Variants in BRIX1 observed in about 807,000 individuals in gnomAD.
BRIX1 encodes ribosome biogenesis protein BRX1 homolog.
BRIX1 carries 15 observed loss-of-function variants against 44.0 expected under a neutral mutation model. That is an observed-to-expected ratio of 0.34 (90% CI 0.23 to 0.53). The LOEUF (loss-of-function observed/expected upper bound fraction) is 0.53. Among genes scored for constraint, BRIX1 ranks in the 20% least tolerant of loss-of-function variants. BRIX1 has a pLI of 0.95. For synonymous variants in BRIX1, 149 were observed against 135.4 expected (o/e 1.10, Z -0.70); for missense variants, 420 against 432.8 (o/e 0.97, Z 0.26).
Position 34,915,727 on chromosome 5 carries a change from C to A in BRIX1, c.-12C>A. ...CCGGAAAGGAGGCCAAGAGCGCGGG[C>A]GGCGAGGCAAGATGGCGGCAACCAA... On this transcript the variant is annotated 5_prime_UTR_variant, in exon 1 of 10. Transcript: ENST00000336767. The A allele has an allele frequency of 6.3e-7, 1 of 1,592,772 alleles. No individual in the cohort carries two copies. The highest frequency in any genetic ancestry group is 8.5e-7 in the Non-Finnish European group (1 of 1,170,120).
rs757231709 is a variant in BRIX1 at position 34,923,205 on chromosome 5, G to A, written c.634G>A (p.Asp212Asn). The A allele has an allele frequency of 2.3e-5, 37 of 1,613,664 alleles. No individual in the cohort carries two copies. The highest frequency in any genetic ancestry group is 3.0e-5 in the Non-Finnish European group (35 of 1,179,738). Residue 212 changes from aspartate (D) to asparagine (N), a missense_variant, in exon 8 of 10, where the codon GAT (aspartate) becomes AAT (asparagine). By Grantham distance (23) the Asp-to-Asn change is conservative. Transcript: ENST00000336767. ...CCACGTGTTTACTTTCACCATTTTG[G>A]ATAATAGGATATGGTTTCGGAACTT... ...VDHVFTFTIL[D>N]NRIWFRNFQI...
chr5:34,924,082 G>C (rs542943716), intron 8 of BRIX1, among the ~76,000 whole-genome samples: 1 of 152,308 alleles, frequency 6.6e-6, no homozygotes, highest in African/African-American at 2.4e-5. Flanking sequence ...AAATGTAATT[G>C]CTCTAGAAGG....
intron 3 of BRIX1, 169 bp from the exon 4 acceptor site, chr5:34,922,048 A>G: frequency 2.4e-6 from 1 of 409,538 alleles, no homozygotes; most frequent in Admixed American, 4.3e-5. Flanking sequence ...AGAATACCTA[A>G]GAGGAACTTT....
chr5:34,924,264 G>GC (rs1212824749), intron 8 of BRIX1, among the ~76,000 whole-genome samples: 2 of 152,228 alleles, frequency 1.3e-5, no homozygotes, highest in African/African-American at 4.8e-5. Flanking sequence ...CATAAACTGA[G>GC]CTCTTTTCTG....
At chr5:34,920,021 G>T in intron 3 of BRIX1, 138 bp downstream of exon 3, 1 of 475,962 alleles carries the variant, frequency 2.1e-6, no homozygotes, top group South Asian at 2.5e-5. Context: ...TTCAATAACT[G>T]GTCTTCCAAA....
chr5:34,921,930 A>C, intron 3 of BRIX1: 1 of 163,894 alleles, frequency 6.1e-6, no homozygotes. Context: ...AAAAAAAAGG[A>C]GGGAGGTTTC....
Position 34,923,131 on chromosome 5 carries a change from A to C in BRIX1, c.562-2A>C. ...GGAACTAACATACACTTTTTTAACT[A>C]GATCTTTAGTACACCACGGTATCAT... On this transcript the variant is annotated splice_acceptor_variant, in intron 7 of 9. Transcript: ENST00000336767. LOFTEE classifies it high-confidence loss of function. 1 of 1,611,180 alleles carries C rather than the reference A, an allele frequency of 6.2e-7. No homozygotes were observed. Among genetic ancestry groups the C allele is most frequent in the African/African-American group, 1.3e-5 (1 of 75,006 alleles).
intron 1 of BRIX1, chr5:34,916,201 G>A: frequency 4.1e-6 from 1 of 242,404 alleles, no homozygotes; most frequent in Middle Eastern, 1.3e-3. Context: ...TTTTTTTAAT[G>A]TTTTTGGAGA....
chr5:34,922,312 G>A (rs765020548), intron 4 of BRIX1, 25 bp downstream of exon 4: 1 of 1,410,418 alleles, frequency 7.1e-7, no homozygotes, highest in Non-Finnish European at 9.9e-7. Flanking sequence ...TAAGATTTTG[G>A]TTAAACTCAT....
Position 34,924,844 on chromosome 5 carries a change from A to C in BRIX1, c.664-3A>C. Reference sequence around the variant, plus strand: ...AAAATGAAATGTTTCCTTTTTATTAAAGATCATAGAAGAAGATGCTGCTCT... The same window carrying C: ...AAAATGAAATGTTTCCTTTTTATTACAGATCATAGAAGAAGATGCTGCTCT... On this transcript the variant is annotated splice_polypyrimidine_tract_variant and splice_region_variant and intron_variant, in intron 8 of 9. Transcript: ENST00000336767. 6.3e-7 allele frequency: 1 copy of C among 1,592,480 alleles called. No homozygotes were observed. Among genetic ancestry groups the C allele is most frequent in the Non-Finnish European group, 8.6e-7 (1 of 1,162,008 alleles).
Position 34,924,858 on chromosome 5 carries a change from A to T in BRIX1, c.675A>T (p.Glu225Asp), listed in dbSNP as rs751295584. The change falls in exon 9 of 10, where the codon GAA (glutamate) becomes GAT (aspartate). Residue 225 changes from glutamate to aspartate, a missense_variant. Glu to Asp is a conservative substitution (Grantham distance 45). Transcript: ENST00000336767. ...CCTTTTTATTAAAGATCATAGAAGA[A>T]GATGCTGCTCTTGTAGAAATAGGAC... ...IWFRNFQIIE[E>D]DAALVEIGPR... 4.4e-6 allele frequency: 7 copies of T among 1,602,772 alleles called. No individual in the cohort carries two copies. The highest frequency in any genetic ancestry group is 1.1e-5 in the South Asian group (1 of 90,744).
intron 8 of BRIX1, among the ~76,000 whole-genome samples, chr5:34,924,618 A>G (rs1764312277): frequency 6.6e-6 from 1 of 152,192 alleles, no homozygotes; most frequent in African/African-American, 2.4e-5. Context: ...AAATCTAATT[A>G]CTCAATTTTA....
At chr5:34,917,152 C>T (rs41270663) in intron 1 of BRIX1, among the ~76,000 whole-genome samples, 180 of 152,014 alleles carry the variant, frequency 1.2e-3, no homozygotes, top group African/African-American at 4.2e-3. Context: ...AAAAAAAAAC[C>T]GATGAAAGAC....
chr5:34,920,361 A>G (rs1764213866), intron 3 of BRIX1: 1 of 151,910 alleles, frequency 6.6e-6, no homozygotes, highest in Admixed American at 6.6e-5. Context: ...ACACTTAGGT[A>G]TTTTTTTTAA....
Position 34,919,875 on chromosome 5 carries a change from A to G in BRIX1, c.307A>G (p.Ile103Val). 8.4e-7 allele frequency: 1 copy of G among 1,190,954 alleles called. No individual in the cohort carries two copies. 73.8% of individuals were successfully genotyped at this position (1,190,954 alleles called of 1,614,324 possible). Residue 103 changes from isoleucine to valine, a missense_variant, in exon 3 of 10, where the codon ATT becomes GTT. Transcript: ENST00000336767. ...GGATCGTAAGGATAAGCTATTTGTG[A>G]TTAACGAGGTAATTTTGGAAAGTAA... ...KMDRKDKLFV[I>V]NEVCEMKNCN...
intron 1 of BRIX1, among the ~76,000 whole-genome samples, chr5:34,917,011 A>G (rs1764118878): frequency 1.3e-5 from 2 of 152,206 alleles, no homozygotes; most frequent in African/African-American, 4.8e-5. Context: ...ATGGAAGTGC[A>G]GGAGATATAG....
chr5:34,918,707 C>T, intron 2 of BRIX1: 1 of 359,452 alleles, frequency 2.8e-6, no homozygotes, highest in South Asian at 6.4e-5. Flanking sequence ...ATTATTGAAA[C>T]ATTTCTTGAA....
intron 1 of BRIX1, chr5:34,916,642 G>A (rs1409257249): frequency 6.6e-6 from 1 of 152,222 alleles, no homozygotes; most frequent in Non-Finnish European, 1.5e-5. Flanking sequence ...CTCTTCTTAA[G>A]CTAGACAGAA....
chr5:34,916,039 C>A, intron 1 of BRIX1, 142 bp downstream of exon 1: 1 of 962,114 alleles, frequency 1.0e-6, no homozygotes, highest in Non-Finnish European at 1.5e-6. Context: ...TTCTCCCGGC[C>A]AGACTGGGCA....
Sources: gnomAD v4.1 joint callset for allele counts (sites outside exome capture counted in the v4.1 genomes callset) on GRCh38, gnomAD v4.1.1 for gene constraint, MANE v1.5 for transcripts, NCBI Gene and HGNC (gene_info 2026-07-23, HGNC 2026-07-21) for gene names.